Variants in ROBO2 observed in about 807,000 individuals in gnomAD.
ROBO2 encodes the protein roundabout homolog 2.
Under a neutral mutation model 160.8 loss-of-function variants are expected in ROBO2, and 53 were observed. The ratio of observed to expected loss-of-function variants is 0.33; its 90% CI spans 0.26 to 0.41. ROBO2 has a LOEUF of 0.41. ROBO2 is among the 10% of genes least tolerant of loss of function. The pLI is 1.00. For synonymous variants in ROBO2, 664 were observed against 611.7 expected, an observed-to-expected ratio of 1.09 and a Z score of -1.26; for missense variants, 1,577 against 1,722.4, an observed-to-expected ratio of 0.92 and a Z score of 1.49.
intron 2 of ROBO2, among the ~76,000 whole-genome samples, chr3:77,429,204 A>C (rs192078834): frequency 6.6e-6 from 1 of 152,306 alleles, no homozygotes; most frequent in Admixed American, 6.5e-5. Flanking sequence ...GACTTGTGGA[A>C]GCTCACAAAT....
intron 2 of ROBO2, among the ~76,000 whole-genome samples, chr3:76,926,668 T>C (rs1397565897): frequency 6.6e-6 from 1 of 152,164 alleles, no homozygotes; most frequent in African/African-American, 2.4e-5. Context: ...AGAATCTAGG[T>C]AGGTTCTTAA....
intron 2 of ROBO2, among the ~76,000 whole-genome samples, chr3:76,361,253 C>CA (rs2075503068): frequency 6.6e-6 from 1 of 152,032 alleles, no homozygotes; most frequent in South Asian, 2.1e-4. Context: ...CTGGCTTGAG[C>CA]AACACTTCTT....
At chr3:76,498,707 G>C (rs963015244) in intron 2 of ROBO2, among the ~76,000 whole-genome samples, 10 of 128,864 alleles carry the variant, frequency 7.8e-5, no homozygotes, top group African/African-American at 8.8e-5. Context: ...TTTTGAGACA[G>C]AGTCTTGCTC....
At chr3:76,414,788 CAAAA>C (rs879831442) in intron 2 of ROBO2, among the ~76,000 whole-genome samples, 27 of 144,940 alleles carry the variant, frequency 1.9e-4, no homozygotes, top group Admixed American at 4.8e-4. Context: ...AAGAAAAAGA[CAAAA>C]AAAAAATCTA....
chr3:76,298,934 G>C (rs1171165171), intron 2 of ROBO2, among the ~76,000 whole-genome samples: 1 of 152,070 alleles, frequency 6.6e-6, no homozygotes, highest in Non-Finnish European at 1.5e-5. Context: ...CTCTGCCAGG[G>C]GCAACCTAGT....
intron 2 of ROBO2, among the ~76,000 whole-genome samples, chr3:77,338,792 C>T (rs1241984783): frequency 6.6e-6 from 1 of 151,990 alleles, no homozygotes; most frequent in Non-Finnish European, 1.5e-5. Flanking sequence ...CAAAGCAATG[C>T]CATTTTTCCT....
chr3:77,468,901 C>A lies in ROBO2; in HGVS notation c.389-8513C>A, dbSNP rs142031921. Among the ~76,000 whole-genome samples, 221 of 152,242 alleles carry A rather than the reference C, an allele frequency of 1.5e-3. 1 individual carries two copies. Among genetic ancestry groups the A allele is most frequent in the Non-Finnish European group, 1.9e-3 (130 of 68,016 alleles). The stretch of plus-strand genomic sequence containing the variant: ...GGTGCCAGAGTGTCAGCTTGCACAG[C>A]GGCCCCCGGATGTCTCCCCACTGAG... On this transcript the variant is annotated intron_variant, in intron 2 of 25. Transcript: ENST00000461745.
intron 2 of ROBO2, among the ~76,000 whole-genome samples, chr3:77,006,667 C>G (rs1214985113): frequency 6.6e-6 from 1 of 151,830 alleles, no homozygotes; most frequent in African/African-American, 2.4e-5. Context: ...TTACTCTACA[C>G]TGGGAGAAAT....
intron 1 of ROBO2, among the ~76,000 whole-genome samples, chr3:77,081,579 T>C (rs376079605): frequency 2.6e-5 from 4 of 152,318 alleles, no homozygotes; most frequent in Admixed American, 6.5e-5. Context: ...ATAATCATGA[T>C]ACAGGCAAGT....
intron 2 of ROBO2, among the ~76,000 whole-genome samples, chr3:77,228,361 A>G (rs2086739625): frequency 6.6e-6 from 1 of 152,026 alleles, no homozygotes; most frequent in African/African-American, 2.4e-5. Context: ...AATATTACAG[A>G]GAGTTTGCAT....
chr3:76,994,866 C>G (rs963904214), intron 2 of ROBO2, among the ~76,000 whole-genome samples: 1 of 151,974 alleles, frequency 6.6e-6, no homozygotes, highest in Non-Finnish European at 1.5e-5. Context: ...AAAAACATAT[C>G]AAAGTTGGAA....
intron 2 of ROBO2, among the ~76,000 whole-genome samples, chr3:76,606,295 T>C (rs186647146): frequency 6.6e-6 from 1 of 152,278 alleles, no homozygotes; most frequent in Admixed American, 6.5e-5. Flanking sequence ...ATCCAAACAG[T>C]GAACACACTG....
chr3:76,657,715 T>C lies in ROBO2; in HGVS notation c.110-440299T>C, dbSNP rs952539983. 3.7e-5 allele frequency among the ~76,000 whole-genome samples: 5 copies of C among 136,308 alleles called. No individual in the cohort carries two copies. In the East Asian group the frequency reaches 9.8e-4, roughly 27 times the overall value. 89.4% of individuals were successfully genotyped at this position (136,308 alleles called of 152,430 possible). On this transcript the variant is annotated intron_variant, in intron 2 of 26. Transcript: ENST00000487694. ...GTATATATATTCATATATGTGTGTA[T>C]ATATATTCATATATGAGTGTATATA...
At chr3:76,781,837 T>C (rs189672032) in intron 2 of ROBO2, among the ~76,000 whole-genome samples, 1 of 150,926 alleles carries the variant, frequency 6.6e-6, no homozygotes, top group African/African-American at 2.4e-5. Context: ...TCTTGTAATG[T>C]TCTTGCCCGG....
At chr3:76,703,894 G>A (rs2093100083) in intron 2 of ROBO2, among the ~76,000 whole-genome samples, 1 of 151,970 alleles carries the variant, frequency 6.6e-6, no homozygotes, top group South Asian at 2.1e-4. Context: ...TGGGATTGCT[G>A]GGTCAAATGG....
chr3:76,313,938 C>T (rs1251584375), intron 2 of ROBO2, among the ~76,000 whole-genome samples: 1 of 152,030 alleles, frequency 6.6e-6, no homozygotes, highest in Admixed American at 6.6e-5. Flanking sequence ...CCAGTGTATA[C>T]GTGTGGCCTG....
intron 2 of ROBO2, among the ~76,000 whole-genome samples, chr3:76,557,871 T>C (rs1020408729): frequency 2.3e-5 from 3 of 130,636 alleles, no homozygotes; most frequent in Non-Finnish European, 4.9e-5. Context: ...TTCAGCTTCA[T>C]TTGCTGGAAT....
At position 77,574,800 on chromosome 3, in the gene ROBO2, A is replaced by G. The variant is rs990621647; in HGVS notation, c.2203+70A>G. The G allele has an allele frequency of 8.9e-6, 10 of 1,122,382 alleles. 1 individual carries two copies. In the African/African-American group the frequency reaches 1.2e-4, roughly 14 times the overall value. The allele number at this position is 1,122,382 out of a possible 1,614,324, so 69.5% of individuals were successfully genotyped here. Reference sequence around the variant, plus strand: ...ATTTCTGTTACAGTACCTATTTGTTATCTTCCTTAGAAGAATGGAAAGATA... The same window carrying G: ...ATTTCTGTTACAGTACCTATTTGTTGTCTTCCTTAGAAGAATGGAAAGATA... On this transcript the variant is annotated intron_variant, in intron 14 of 25. Transcript: ENST00000461745.
chr3:76,747,304 A>G (rs1319101894), intron 2 of ROBO2, among the ~76,000 whole-genome samples: 1 of 152,150 alleles, frequency 6.6e-6, no homozygotes, highest in Non-Finnish European at 1.5e-5. Flanking sequence ...TATGAAATTT[A>G]TGACAATTTT....
Sources: allele counts gnomAD v4.1 joint callset (sites outside exome capture counted in the v4.1 genomes callset), GRCh38; gene constraint gnomAD v4.1.1; transcripts MANE v1.5; gene names NCBI Gene and HGNC (gene_info 2026-07-23, HGNC 2026-07-21).